HEG1: variants seen among roughly 807,000 people sequenced by gnomAD.
HEG1 encodes the protein heart development protein with EGF like domains 1.
In HEG1, 56 loss-of-function variants were observed where a neutral mutation model predicts 125.6. That is an observed-to-expected ratio of 0.45 (90% CI 0.36 to 0.56). HEG1 has a LOEUF of 0.56. HEG1 is among the 20% of genes least tolerant of loss of function. The pLI is 0.00. For synonymous variants in HEG1, 644 were observed against 668.5 expected (o/e 0.96, Z 0.57); for missense variants, 1,523 against 1,670.0 (o/e 0.91, Z 1.53).
chr3:124,970,332 C>T lies in HEG1; in HGVS notation c.*320G>A. On this transcript the variant is annotated 3_prime_UTR_variant, in exon 17 of 17. Transcript: ENST00000311127. Reference sequence around the variant, plus strand: ...AGTGCAAACGAAGGGAAAACCAGGTCCCTGCACTGAAGTCTAGTGGTCTGC... The same window carrying T: ...AGTGCAAACGAAGGGAAAACCAGGTTCCTGCACTGAAGTCTAGTGGTCTGC... The T allele has an allele frequency of 8.3e-6, 2 of 241,590 alleles. No individual in the cohort carries two copies. Among genetic ancestry groups the T allele is most frequent in the Non-Finnish European group, 7.9e-6 (1 of 126,340 alleles). The allele number at this position is 241,590 out of a possible 1,614,324, so 15.0% of individuals were successfully genotyped here.
At chr3:125,036,554 A>C (rs1296268133) in intron 1 of HEG1, among the ~76,000 whole-genome samples, 1 of 152,230 alleles carries the variant, frequency 6.6e-6, no homozygotes, top group Non-Finnish European at 1.5e-5. Flanking sequence ...TGAATGACAA[A>C]CAAGGGTAAA....
At chr3:124,978,976 G>A (rs1936602109) in intron 14 of HEG1, among the ~76,000 whole-genome samples, 1 of 149,934 alleles carries the variant, frequency 6.7e-6, no homozygotes, top group South Asian at 2.1e-4. Flanking sequence ...CCGAGACGGA[G>A]TCTTGCTCTT....
At chr3:125,029,517 G>C (rs760509762) in intron 1 of HEG1, 29 bp from the exon 2 acceptor site, 1 of 1,573,508 alleles carries the variant, frequency 6.4e-7, no homozygotes, top group Non-Finnish European at 8.6e-7. Context: ...GCATCAGGGA[G>C]AGTTTGCTGG....
At chr3:125,035,158 G>GT (rs1279253818) in intron 1 of HEG1, among the ~76,000 whole-genome samples, 1 of 152,068 alleles carries the variant, frequency 6.6e-6, no homozygotes, top group East Asian at 1.9e-4. Flanking sequence ...TAGAGATGGG[G>GT]TTTCACCCTG....
At chr3:124,974,148 G>T (rs1936494830) in intron 15 of HEG1, among the ~76,000 whole-genome samples, 1 of 151,858 alleles carries the variant, frequency 6.6e-6, no homozygotes, top group African/African-American at 2.4e-5. Flanking sequence ...ATTATCAGGG[G>T]GTAGGGGGAC....
chr3:125,048,000 C>T (rs1331306343), intron 1 of HEG1, among the ~76,000 whole-genome samples: 3 of 152,152 alleles, frequency 2.0e-5, no homozygotes, highest in African/African-American at 7.2e-5. Context: ...GCCTTCAGCA[C>T]CTTCTCTGCA....
intron 1 of HEG1, among the ~76,000 whole-genome samples, chr3:125,032,793 AG>A (rs746562103): frequency 6.6e-6 from 1 of 152,222 alleles, no homozygotes; most frequent in African/African-American, 2.4e-5. Context: ...CTCTGAGCAA[AG>A]GGAAGGCAAT....
At chr3:124,986,368 A>G (rs6798390) in intron 14 of HEG1, among the ~76,000 whole-genome samples, 50,509 of 151,976 alleles carry the variant, frequency 0.33, 8,912 homozygotes, top group East Asian at 0.48. Context: ...TAATGGGAGT[A>G]ATAGCGGTGG....
chr3:125,052,862 G>C (rs1259592578), intron 1 of HEG1, among the ~76,000 whole-genome samples: 1 of 152,174 alleles, frequency 6.6e-6, no homozygotes, highest in Non-Finnish European at 1.5e-5. Context: ...GAATGCAAAC[G>C]CGGTTACTCA....
chr3:125,035,764 AAAT>A (rs1267828023), intron 1 of HEG1, among the ~76,000 whole-genome samples: 1 of 152,246 alleles, frequency 6.6e-6, no homozygotes, highest in Non-Finnish European at 1.5e-5. Context: ...TGAATTTATG[AAAT>A]AATAACAATA....
At chr3:124,980,075 T>C (rs940734452) in intron 14 of HEG1, among the ~76,000 whole-genome samples, 1 of 152,214 alleles carries the variant, frequency 6.6e-6, no homozygotes, top group East Asian at 1.9e-4. Flanking sequence ...TATTTGAAAG[T>C]TTCTTTTTTA....
intron 1 of HEG1, among the ~76,000 whole-genome samples, chr3:125,035,518 T>A (rs917852997): frequency 1.1e-4 from 16 of 152,304 alleles, no homozygotes; most frequent in African/African-American, 3.8e-4. Flanking sequence ...ATTTTCAACG[T>A]GCTGAGAGAG....
chr3:125,012,963 G>T lies in HEG1; in HGVS notation c.2616C>A (p.Ala872=). 6.2e-7 allele frequency: 1 copy of T among 1,614,034 alleles called. No individual in the cohort carries two copies. The highest frequency in any genetic ancestry group is 8.5e-7 in the Non-Finnish European group (1 of 1,179,886). ...STASLVTGPI[A]VQTTAGKQLS... ...GCTGTTTTCCAGCTGTAGTCTGTACGGCTATAGGGCCAGTGACCAGAGATG... is the reference window on the plus strand; with the variant it reads ...GCTGTTTTCCAGCTGTAGTCTGTACTGCTATAGGGCCAGTGACCAGAGATG... The change falls in exon 6 of 17, where the codon GCC becomes GCA. Residue 872 remains alanine, a synonymous_variant. Transcript: ENST00000311127.
rs754504666 is a variant in HEG1, at chr3:125,012,932, G to C, written c.2647C>G (p.Leu883Val). Residue 883 changes from leucine (L) to valine (V), a missense_variant, in exon 6 of 17, where the codon CTG (leucine) becomes GTG (valine). Coordinates refer to ENST00000311127, the MANE Select transcript of HEG1 (RefSeq NM_020733.2). ...GGAACTAGTATTTCAGGATGGGTCAGCGAGAGCTGTTTTCCAGCTGTAGTC... is the reference window on the plus strand; with the variant it reads ...GGAACTAGTATTTCAGGATGGGTCACCGAGAGCTGTTTTCCAGCTGTAGTC... ...VQTTAGKQLSLTHPEILVPQI... is the reference protein window; with the variant it reads ...VQTTAGKQLSVTHPEILVPQI... 3 of 1,614,084 alleles carry C rather than the reference G, an allele frequency of 1.9e-6. No individual in the cohort carries two copies. Among genetic ancestry groups the C allele is most frequent in the South Asian group, 1.1e-5 (1 of 91,090 alleles).
intron 5 of HEG1, among the ~76,000 whole-genome samples, chr3:125,015,835 T>C (rs1024464746): frequency 6.6e-6 from 1 of 152,216 alleles, no homozygotes; most frequent in Non-Finnish European, 1.5e-5. Flanking sequence ...TTTCTGGTTC[T>C]TATTCACATT....
chr3:124,976,497 A>AT lies in HEG1; in HGVS notation c.3821+1361dup, dbSNP rs35716888. ...CCACTGTGCCCAGCAGCTATTTTCT[A>AT]TTTTTTTTTTTTTTAATAGCCATCT... On this transcript the variant is annotated intron_variant, in intron 15 of 16. Coordinates refer to ENST00000311127, the MANE Select transcript of HEG1 (RefSeq NM_020733.2). Among the ~76,000 whole-genome samples the AT allele has an allele frequency of 3.2e-3, 452 of 141,836 alleles. 1 individual carries two copies. The highest frequency in any genetic ancestry group is 9.7e-3 in the African/African-American group (378 of 39,152). 93.0% of individuals were successfully genotyped at this position (141,836 alleles called of 152,430 possible). A position where few individuals can be genotyped will look rare whatever the true frequency, so the allele number is the denominator to read the frequency against.
At position 124,987,952 on chromosome 3, in the gene HEG1, C is replaced by CACACACACACACACACACACACACAT; in HGVS notation, c.3733+2834_3733+2835insATGTGTGTGTGTGTGTGTGTGTGTGT. On this transcript the variant is annotated intron_variant, in intron 14 of 16. Coordinates refer to ENST00000311127, the MANE Select transcript of HEG1 (RefSeq NM_020733.2). Reference sequence around the variant, plus strand: ...ACACACACACACACACACACACACACATATATATATATATATATATATACC... The same window carrying CACACACACACACACACACACACACAT: ...ACACACACACACACACACACACACACACACACACACACACACACACACACATATATATATATATATATATATATACC... Among the ~76,000 whole-genome samples, 6 of 54,702 alleles carry CACACACACACACACACACACACACAT rather than the reference C, an allele frequency of 1.1e-4. 1 individual carries two copies. Among genetic ancestry groups the CACACACACACACACACACACACACAT allele is most frequent in the East Asian group, 9.4e-4 (2 of 2,124 alleles). The allele number at this position is 54,702 out of a possible 152,430, so 35.9% of individuals were successfully genotyped here. A position where few individuals can be genotyped will look rare whatever the true frequency, so the allele number is the denominator to read the frequency against.
chr3:125,020,772 A>G lies in HEG1; in HGVS notation c.1252+20T>C. On this transcript the variant is annotated intron_variant, in intron 4 of 16. Coordinates refer to ENST00000311127, the MANE Select transcript of HEG1 (RefSeq NM_020733.2). Reference sequence around the variant, plus strand: ...ATTTACAAATGTCCCTAATAGATCAAGTAAAGATGGAATACTTACTTGGGG... The same window carrying G: ...ATTTACAAATGTCCCTAATAGATCAGGTAAAGATGGAATACTTACTTGGGG... The G allele has an allele frequency of 6.3e-7, 1 of 1,593,536 alleles. No individual in the cohort carries two copies. Among genetic ancestry groups the G allele is most frequent in the Non-Finnish European group, 8.6e-7 (1 of 1,166,406 alleles).
intron 14 of HEG1, among the ~76,000 whole-genome samples, chr3:124,979,203 C>T (rs1445067505): frequency 3.3e-5 from 5 of 152,240 alleles, no homozygotes; most frequent in East Asian, 1.9e-4. Context: ...CCACCAGCCT[C>T]GGCCTCCCAA....
Sources: allele counts gnomAD v4.1 joint callset (sites outside exome capture counted in the v4.1 genomes callset), GRCh38; gene constraint gnomAD v4.1.1; transcripts MANE v1.5; gene names NCBI Gene and HGNC (gene_info 2026-07-23, HGNC 2026-07-21).